MEGF8: variants seen among roughly 807,000 people sequenced by gnomAD.
MEGF8 encodes multiple epidermal growth factor-like domains protein 8.
In MEGF8, 156 loss-of-function variants were observed where a neutral mutation model predicts 302.9. That is an observed-to-expected ratio of 0.52 (90% CI 0.45 to 0.59). The LOEUF (loss-of-function observed/expected upper bound fraction) is 0.59. Ranked by LOEUF, MEGF8 falls within the 20% of genes least tolerant of loss-of-function variation. The pLI is 0.00. For missense variants in MEGF8, 3,345 were observed against 3,964.5 expected, an observed-to-expected ratio of 0.84 and a Z score of 4.20; for synonymous variants, 1,621 against 1,660.5, an observed-to-expected ratio of 0.98 and a Z score of 0.58.
At position 42,369,053 on chromosome 19, in the gene MEGF8, G is replaced by C; in HGVS notation, c.6641+51G>C. 6.3e-7 allele frequency: 1 copy of C among 1,596,738 alleles called. No individual in the cohort carries two copies. Among genetic ancestry groups the C allele is most frequent in the Non-Finnish European group, 8.5e-7 (1 of 1,174,600 alleles). On this transcript the variant is annotated intron_variant, in intron 37 of 41. Transcript: ENST00000251268. The surrounding 1 kb of genome is among the most constrained non-coding windows in gnomAD (Gnocchi z 5.7). ...CAGGCAGGCTAGGGTGGGAGAGTCT[G>C]TGGGGAGCAGTAATGGATGAGGCCT...
In MEGF8 at chr19:42,369,597, C is replaced by T. The variant is rs769084448; in HGVS notation, c.6708C>T (p.Asp2236=). The T allele has an allele frequency of 3.1e-6, 5 of 1,612,664 alleles. No homozygotes were observed. The highest frequency in any genetic ancestry group is 4.2e-6 in the Non-Finnish European group (5 of 1,179,802). ...GCVNGSCVEP[D]HCRCHFGFVG... ...TGAACGGCTCATGTGTGGAGCCCGACCACTGCCGCTGCCACTTTGGCTTTG... is the reference window on the plus strand; with the variant it reads ...TGAACGGCTCATGTGTGGAGCCCGATCACTGCCGCTGCCACTTTGGCTTTG... The change falls in exon 38 of 42, where the codon GAC becomes GAT. Residue 2236 remains aspartate (D), a synonymous_variant. Transcript: ENST00000251268. The surrounding 1 kb of genome is among the most constrained non-coding windows in gnomAD (Gnocchi z 5.7).
In MEGF8 at chr19:42,375,941, G is replaced by C; in HGVS notation, c.7704G>C (p.Glu2568Asp). ...CCCCAGCAGAGCCACGGGTACGGGA[G>C]GTATGGCCGCGGGGCCTGATTACCT... Reference protein sequence around the residue: ...PGAPAEPRVREVWPRGLITYV... With the variant: ...PGAPAEPRVRDVWPRGLITYV... The change falls in exon 42 of 42, where the codon GAG (glutamate) becomes GAC (aspartate). Residue 2568 changes from glutamate to aspartate, a missense_variant. Transcript: ENST00000251268. This position sits in a 1 kb window ranked among gnomAD's most constrained non-coding sequence, Gnocchi z 7.1. The C allele has an allele frequency of 6.2e-7, 1 of 1,604,450 alleles. No homozygotes were observed. Among genetic ancestry groups the C allele is most frequent in the African/African-American group, 1.3e-5 (1 of 74,894 alleles).
Position 42,369,863 on chromosome 19 carries a change from A to C in MEGF8, c.6834+140A>C. 1.9e-6 allele frequency: 2 copies of C among 1,031,342 alleles called. No individual in the cohort carries two copies. The highest frequency in any genetic ancestry group is 2.8e-6 in the Non-Finnish European group (2 of 724,886). The allele number at this position is 1,031,342 out of a possible 1,614,324, so 63.9% of individuals were successfully genotyped here. A position where few individuals can be genotyped will look rare whatever the true frequency, so the allele number is the denominator to read the frequency against. On this transcript the variant is annotated intron_variant, in intron 38 of 41. Coordinates refer to ENST00000251268, the MANE Select transcript of MEGF8 (RefSeq NM_001271938.2). The surrounding 1 kb of genome is among the most constrained non-coding windows in gnomAD (Gnocchi z 5.7). ...TAAGCCAGAGCCCTGTCCCAGGGAG[A>C]TGTGTGGAGACTTGGGGGACGCTGC...
At chr19:42,359,852 A>C (rs78388706) in intron 31 of MEGF8, among the ~76,000 whole-genome samples, 1 of 143,710 alleles carries the variant, frequency 7.0e-6, no homozygotes, top group Non-Finnish European at 1.5e-5. Flanking sequence ...ACGCCTGGAT[A>C]ATTTTTTTTT....
intron 8 of MEGF8, among the ~76,000 whole-genome samples, chr19:42,342,942 A>T (rs1275789595): frequency 1.3e-5 from 2 of 152,210 alleles, no homozygotes; most frequent in African/African-American, 4.8e-5. Context: ...CACTTCTGCC[A>T]GAACCAGGGA....
At position 42,356,408 on chromosome 19, in the gene MEGF8, T is replaced by C; in HGVS notation, c.4577T>C (p.Phe1526Ser). The change falls in exon 26 of 42, where the codon TTT (phenylalanine) becomes TCT (serine). Residue 1526 changes from phenylalanine to serine, a missense_variant. Coordinates refer to ENST00000251268, the MANE Select transcript of MEGF8 (RefSeq NM_001271938.2). This position sits in a 1 kb window ranked among gnomAD's most constrained non-coding sequence, Gnocchi z 5.2. ...VDGPDATLWMFGGLGLPQGLL... is the reference protein window; with the variant it reads ...VDGPDATLWMSGGLGLPQGLL... ...GGACCCGATGCCACCTTGTGGATGTTTGGGGGCCTGGGCCTGCCCCAGGGG... is the reference window on the plus strand; with the variant it reads ...GGACCCGATGCCACCTTGTGGATGTCTGGGGGCCTGGGCCTGCCCCAGGGG... 6 of 1,612,272 alleles carry C rather than the reference T, an allele frequency of 3.7e-6. No individual in the cohort carries two copies. Among genetic ancestry groups the C allele is most frequent in the Non-Finnish European group, 5.1e-6 (6 of 1,179,168 alleles).
intron 2 of MEGF8, 77 bp from the exon 3 acceptor site, chr19:42,333,930 G>A (rs2039087942): frequency 6.5e-7 from 1 of 1,531,116 alleles, no homozygotes; most frequent in Admixed American, 1.9e-5. Context: ...CAGGGTGGAA[G>A]GGGGCAGGAG....
In MEGF8 at chr19:42,354,979, C is replaced by G. The variant is rs1245113343; in HGVS notation, c.4144+259C>G. Among the ~76,000 whole-genome samples, 1 of 152,186 alleles carries G rather than the reference C, an allele frequency of 6.6e-6. No individual in the cohort carries two copies. Among genetic ancestry groups the G allele is most frequent in the Admixed American group, 6.5e-5 (1 of 15,274 alleles). On this transcript the variant is annotated intron_variant, in intron 23 of 41. Transcript: ENST00000251268. The surrounding 1 kb of genome is among the most constrained non-coding windows in gnomAD (Gnocchi z 4.3). ...GAATGTGGTTGGTGTGAGGATCCCA[C>G]ACCACTCACTCTTTCCAGCTAGGCA...
chr19:42,343,429 G>T, intron 8 of MEGF8, 48 bp from the exon 9 acceptor site: 1 of 1,535,744 alleles, frequency 6.5e-7, no homozygotes, highest in Non-Finnish European at 8.8e-7. Context: ...TGGAGGTGGT[G>T]GAGGGGCTGG....
In MEGF8 at chr19:42,356,874, C is replaced by T; in HGVS notation, c.4723C>T (p.Pro1575Ser). ...PRSFHAAAYVPAGRGAMYLLG... is the reference protein window; with the variant it reads ...PRSFHAAAYVSAGRGAMYLLG... Reference sequence around the variant, plus strand: ...CTCCTTCCATGCAGCCGCATATGTGCCCGCTGGCCGTGGTGCCATGTATCT... The same window carrying T: ...CTCCTTCCATGCAGCCGCATATGTGTCCGCTGGCCGTGGTGCCATGTATCT... The change falls in exon 27 of 42, where the codon CCC (proline) becomes TCC (serine). Residue 1575 changes from proline (P) to serine (S), a missense_variant. Physicochemically the swap from Pro to Ser is moderately conservative, Grantham distance 74. Transcript: ENST00000251268. The surrounding 1 kb of genome is among the most constrained non-coding windows in gnomAD (Gnocchi z 5.2). 6.3e-7 allele frequency: 1 copy of T among 1,597,192 alleles called. No homozygotes were observed. Among genetic ancestry groups the T allele is most frequent in the Non-Finnish European group, 8.5e-7 (1 of 1,172,494 alleles).
chr19:42,335,243 T>C, intron 4 of MEGF8, 28 bp downstream of exon 4: 5 of 1,613,972 alleles, frequency 3.1e-6, no homozygotes, highest in Non-Finnish European at 4.2e-6. Flanking sequence ...GTATCTGGGA[T>C]CTGGAGGCCC....
intron 32 of MEGF8, 92 bp from the exon 33 acceptor site, chr19:42,361,998 G>A (rs535244413): frequency 5.2e-6 from 8 of 1,533,290 alleles, no homozygotes; most frequent in Non-Finnish European, 7.0e-6. Flanking sequence ...TCCAGCTTGG[G>A]ATGCAGGGTT....
At chr19:42,341,476 A>T (rs1405515622) in intron 8 of MEGF8, among the ~76,000 whole-genome samples, 1 of 151,746 alleles carries the variant, frequency 6.6e-6, no homozygotes, top group Non-Finnish European at 1.5e-5. Context: ...ATTTTTTAAA[A>T]TTTTTTGTAG....
chr19:42,361,669 C>G (rs918898136), intron 32 of MEGF8, among the ~76,000 whole-genome samples: 4 of 152,144 alleles, frequency 2.6e-5, no homozygotes, highest in Non-Finnish European at 5.9e-5. Context: ...GTGGACCCCC[C>G]CTGTGCAGGA....
chr19:42,376,952 T>C lies in MEGF8; in HGVS notation c.*177T>C, dbSNP rs1600084072. 1 of 606,082 alleles carries C rather than the reference T, an allele frequency of 1.6e-6. No individual in the cohort carries two copies. The highest frequency in any genetic ancestry group is 4.6e-4 in the Middle Eastern group (1 of 2,178). The allele number at this position is 606,082 out of a possible 1,614,324, so 37.5% of individuals were successfully genotyped here. A position where few individuals can be genotyped will look rare whatever the true frequency, so the allele number is the denominator to read the frequency against. On this transcript the variant is annotated 3_prime_UTR_variant, in exon 42 of 42. Transcript: ENST00000251268. The surrounding 1 kb of genome is among the most constrained non-coding windows in gnomAD (Gnocchi z 8.2). ...CTGCATTCAGCAGCTATTTATCGAG[T>C]ACCTACTCTGTCAGGCACTGTCATA...
Position 42,337,080 on chromosome 19 carries a change from C to A in MEGF8, c.1391-4C>A. 6.2e-7 allele frequency: 1 copy of A among 1,613,834 alleles called. No individual in the cohort carries two copies. Among genetic ancestry groups the A allele is most frequent in the Non-Finnish European group, 8.5e-7 (1 of 1,179,826 alleles). ...CCAGCTATGCCCCTTTCCTCCATTC[C>A]CAGGGGGCAATGTGCACACCCATTA... On this transcript the variant is annotated splice_region_variant and splice_polypyrimidine_tract_variant and intron_variant, in intron 7 of 41. Coordinates refer to ENST00000251268, the MANE Select transcript of MEGF8 (RefSeq NM_001271938.2).
intron 8 of MEGF8, among the ~76,000 whole-genome samples, chr19:42,341,473 A>T (rs1273406928): frequency 3.3e-5 from 5 of 150,788 alleles, no homozygotes; most frequent in African/African-American, 4.9e-5. Context: ...CAGATTTTTT[A>T]AAATTTTTTG....
In MEGF8 at chr19:42,352,908, C is replaced by T. The variant is rs753633832; in HGVS notation, c.3351-20C>T. 2 of 1,561,508 alleles carry T rather than the reference C, an allele frequency of 1.3e-6. No individual in the cohort carries two copies. Among genetic ancestry groups the T allele is most frequent in the African/African-American group, 1.4e-5 (1 of 73,654 alleles). Reference sequence around the variant, plus strand: ...CTGGGCCTGCCTGGCGCTTTCCCCACCCCCAACACGGCCCCTCAGGTGCTT... The same window carrying T: ...CTGGGCCTGCCTGGCGCTTTCCCCATCCCCAACACGGCCCCTCAGGTGCTT... On this transcript the variant is annotated intron_variant, in intron 19 of 41. Coordinates refer to ENST00000251268, the MANE Select transcript of MEGF8 (RefSeq NM_001271938.2). This position sits in a 1 kb window ranked among gnomAD's most constrained non-coding sequence, Gnocchi z 4.4.
In MEGF8 at chr19:42,356,456, G is replaced by A. The variant is rs751377217; in HGVS notation, c.4622+3G>A. On this transcript the variant is annotated splice_donor_region_variant and intron_variant, in intron 26 of 41. Transcript: ENST00000251268. This position sits in a 1 kb window ranked among gnomAD's most constrained non-coding sequence, Gnocchi z 5.2. ...GGGCTGCTGGGAAACCTGTACAGGT[G>A]AGGACTGCCCTGGGCAGGTGGGATT... 5.0e-6 allele frequency: 8 copies of A among 1,593,736 alleles called. No individual in the cohort carries two copies. In the African/African-American group the frequency reaches 9.4e-5, roughly 19 times the overall value.
Sources: gnomAD v4.1 joint callset for allele counts (sites outside exome capture counted in the v4.1 genomes callset) on GRCh38, gnomAD v4.1.1 for gene constraint, Gnocchi (gnomAD v3.1) non-coding constraint, MANE v1.5 for transcripts, NCBI Gene and HGNC (gene_info 2026-07-23, HGNC 2026-07-21) for gene names.